MPHOSPH9: variants seen among roughly 807,000 people sequenced by gnomAD.
MPHOSPH9 encodes the protein M-phase phosphoprotein 9.
In MPHOSPH9, 88 loss-of-function variants were observed where a neutral mutation model predicts 145.5. That is an observed-to-expected ratio of 0.60 (90% CI 0.51 to 0.72). MPHOSPH9 has a LOEUF of 0.72. Ranked by LOEUF, MPHOSPH9 falls within the 30% of genes least tolerant of loss-of-function variation. MPHOSPH9 has a pLI of 0.00. For missense variants in MPHOSPH9, 1,238 were observed against 1,386.6 expected (o/e 0.89, Z 1.70); for synonymous variants, 435 against 486.2 (o/e 0.89, Z 1.39).
chr12:123,215,900 A>G (rs1449228385), intron 6 of MPHOSPH9, among the ~76,000 whole-genome samples: 1 of 152,178 alleles, frequency 6.6e-6, no homozygotes, highest in Non-Finnish European at 1.5e-5. Flanking sequence ...TTTCTTTCTC[A>G]TCAAGGAAGA....
chr12:123,234,179 C>A (rs773752364), upstream of MPHOSPH9, among the ~76,000 whole-genome samples: 7 of 152,160 alleles, frequency 4.6e-5, no homozygotes, highest in Admixed American at 2.0e-4. Context: ...AGGCCACATT[C>A]TTCAGCATAG....
At position 123,161,139 on chromosome 12, in the gene MPHOSPH9, G is replaced by C. The variant is rs746511469; in HGVS notation, c.3378C>G (p.Asp1126Glu). The C allele has an allele frequency of 6.2e-7, 1 of 1,613,598 alleles. No homozygotes were observed. The highest frequency in any genetic ancestry group is 8.5e-7 in the Non-Finnish European group (1 of 1,179,866). The change falls in exon 22 of 24, where the codon GAC becomes GAG. Residue 1126 changes from aspartate (D) to glutamate (E), a missense_variant. This residue lies in a region of MPHOSPH9 where 393 missense variants were observed against 462.5 expected (regional missense o/e 0.85). Coordinates refer to ENST00000606320, the MANE Select transcript of MPHOSPH9 (RefSeq NM_022782.4). ...AAAAATATTTGTTTGTTTTTACCTG[G>C]TCCTTTTCTTTTGTAAGTTCATCAA... Reference protein sequence around the residue: ...RFFDELTKEKDQIEAALSRMP... With the variant: ...RFFDELTKEKEQIEAALSRMP...
At chr12:123,222,944 G>A (rs12581076) in intron 4 of MPHOSPH9, 94 bp downstream of exon 4, 29 of 695,128 alleles carry the variant, frequency 4.2e-5, no homozygotes, top group Non-Finnish European at 5.5e-5. Context: ...TTCTATATAT[G>A]TGTGTGTGTA....
At chr12:123,195,430 CA>C (rs1285606569) in intron 12 of MPHOSPH9, among the ~76,000 whole-genome samples, 1 of 151,418 alleles carries the variant, frequency 6.6e-6, no homozygotes. Flanking sequence ...ACTAAAAATA[CA>C]AAAAATTAGC....
chr12:123,204,896 T>C (rs2046361948), intron 8 of MPHOSPH9, among the ~76,000 whole-genome samples: 1 of 152,070 alleles, frequency 6.6e-6, no homozygotes, highest in African/African-American at 2.4e-5. Context: ...AAACAGAAGA[T>C]AGGACCCTAA....
At position 123,221,426 on chromosome 12, in the gene MPHOSPH9, T is replaced by A. The variant is rs767805693; in HGVS notation, c.818A>T (p.His273Leu). The A allele has an allele frequency of 6.2e-6, 10 of 1,610,662 alleles. No homozygotes were observed. The Admixed American group carries it at 1.0e-4, about 16-fold the overall frequency. ...AACCTTATTTTCACCAAGAAAATTA[T>A]GTTCAAATTCACCAGGAGAAATGGA... ...DVSISPGEFE[H>L]NFLGENKVSE... Residue 273 changes from histidine to leucine, a missense_variant, in exon 5 of 24, where the codon CAT (histidine) becomes CTT (leucine). By Grantham distance (99) the His-to-Leu change is moderately conservative (BLOSUM62 -3). Transcript: ENST00000606320.
intron 13 of MPHOSPH9, among the ~76,000 whole-genome samples, chr12:123,182,262 T>TTTTTTTTTTTTTTTGTTC (rs1565918874): frequency 9.1e-6 from 1 of 110,366 alleles, no homozygotes; most frequent in Non-Finnish European, 1.8e-5. Flanking sequence ...TTTTTTTTTG[T>TTTTTTTTTTTTTTTGTTC]TTTTTTTTTT....
intron 13 of MPHOSPH9, among the ~76,000 whole-genome samples, chr12:123,186,653 G>T (rs1206304631): frequency 6.6e-6 from 1 of 152,132 alleles, no homozygotes; most frequent in Non-Finnish European, 1.5e-5. Flanking sequence ...TAGATAATAT[G>T]TAAAATTTAA....
At position 123,221,665 on chromosome 12, in the gene MPHOSPH9, G is replaced by A; in HGVS notation, c.579C>T (p.Cys193=). The A allele has an allele frequency of 6.2e-7, 1 of 1,614,084 alleles. No homozygotes were observed. The highest frequency in any genetic ancestry group is 8.5e-7 in the Non-Finnish European group (1 of 1,180,002). The change falls in exon 5 of 24, where the codon TGC becomes TGT. Residue 193 remains cysteine (C), a synonymous_variant. Transcript: ENST00000606320. ...AGGTGCCATATCCACTGCTTACTGA[G>A]CAACTATCCACATTGCAGTCTGGTT... is the stretch of plus-strand genomic sequence containing the variant. ...TSQPDCNVDS[C]SVSSGYGTFC...
Position 123,194,572 on chromosome 12 carries a change from G to T in MPHOSPH9, c.2055C>A (p.Ala685=), listed in dbSNP as rs1264680124. 6 of 1,609,188 alleles carry T rather than the reference G, an allele frequency of 3.7e-6. No homozygotes were observed. Among genetic ancestry groups the T allele is most frequent in the Admixed American group, 3.4e-5 (2 of 59,096 alleles). The change falls in exon 13 of 24, where the codon GCC becomes GCA. Residue 685 remains alanine, a synonymous_variant. Coordinates refer to ENST00000606320, the MANE Select transcript of MPHOSPH9 (RefSeq NM_022782.4). ...CCTGCAAAATTTTGGAAGCACTGCTGGCTGCACTGAAGCGTTCTCTCAAAT... is the reference window on the plus strand; with the variant it reads ...CCTGCAAAATTTTGGAAGCACTGCTTGCTGCACTGAAGCGTTCTCTCAAAT... ...VNDLRERFSA[A]SSASKILQER...
At chr12:123,214,942 G>A in intron 6 of MPHOSPH9, 108 bp from the exon 7 acceptor site, 1 of 905,722 alleles carries the variant, frequency 1.1e-6, no homozygotes, top group Non-Finnish European at 1.8e-6. Context: ...AACCTTCAGA[G>A]GGTTCAAAGA....
rs1442285122 is a variant in MPHOSPH9, at chr12:123,218,512, A to G, written c.873-13T>C. ...TGTTATAGCATTACTATTTAAGAAG[A>G]GAAAACCAAAATTACTTTTTTTTTT... is the stretch of plus-strand genomic sequence containing the variant. On this transcript the variant is annotated splice_polypyrimidine_tract_variant and intron_variant, in intron 5 of 23. Transcript: ENST00000606320. The G allele has an allele frequency of 3.1e-6, 5 of 1,606,340 alleles. No homozygotes were observed. The highest frequency in any genetic ancestry group is 4.2e-6 in the Non-Finnish European group (5 of 1,177,364).
At chr12:123,192,308 G>T (rs984065345) in intron 13 of MPHOSPH9, among the ~76,000 whole-genome samples, 4 of 151,760 alleles carry the variant, frequency 2.6e-5, no homozygotes, top group Admixed American at 2.6e-4. Flanking sequence ...ACAAAAATTA[G>T]CCAAGTGTGG....
chr12:123,238,966 G>T (rs1409993689), intron 1 of MPHOSPH9, among the ~76,000 whole-genome samples: 31 of 151,990 alleles, frequency 2.0e-4, no homozygotes, highest in Non-Finnish European at 4.4e-5. Flanking sequence ...GGGGAAAAAA[G>T]AATATCTCAA....
Position 123,163,111 on chromosome 12 carries a change from G to A in MPHOSPH9, c.2932C>T (p.Pro978Ser). The A allele has an allele frequency of 1.9e-6, 3 of 1,585,010 alleles. No individual in the cohort carries two copies. The highest frequency in any genetic ancestry group is 2.6e-6 in the Non-Finnish European group (3 of 1,171,348). ...TPTKREIMLT[P>S]VTVAYSPKRS... ...TTTGGACTATAAGCCACAGTCACTGGTGTTAGCATAATCTCTCTTTTTGCT... is the reference window on the plus strand; with the variant it reads ...TTTGGACTATAAGCCACAGTCACTGATGTTAGCATAATCTCTCTTTTTGCT... The change falls in exon 20 of 24, where the codon CCA becomes TCA. Residue 978 changes from proline to serine, a missense_variant. By Grantham distance (74) the Pro-to-Ser change is moderately conservative. Transcript: ENST00000606320.
intron 1 of MPHOSPH9, among the ~76,000 whole-genome samples, chr12:123,243,387 G>A (rs765069329): frequency 6.6e-5 from 10 of 152,240 alleles, no homozygotes; most frequent in African/African-American, 2.2e-4. Flanking sequence ...AAAATTAGCC[G>A]GACGTGGTGG....
intron 13 of MPHOSPH9, among the ~76,000 whole-genome samples, chr12:123,181,808 A>C (rs181297332): frequency 5.2e-4 from 79 of 152,174 alleles, no homozygotes; most frequent in African/African-American, 1.8e-3. Context: ...TTGAGACTGC[A>C]GTGAGCTTGT....
chr12:123,179,860 T>G (rs2045049650), intron 15 of MPHOSPH9, 66 bp downstream of exon 15: 1 of 831,862 alleles, frequency 1.2e-6, no homozygotes, highest in Non-Finnish European at 1.8e-6. Context: ...CTTCTCATCA[T>G]GTTCAATACA....
At chr12:123,190,303 C>A (rs1243963916) in intron 13 of MPHOSPH9, among the ~76,000 whole-genome samples, 1 of 152,022 alleles carries the variant, frequency 6.6e-6, no homozygotes, top group Non-Finnish European at 1.5e-5. Flanking sequence ...CAGGCGCCCA[C>A]CACCACGCCC....
Sources: gnomAD v4.1 joint callset for allele counts (sites outside exome capture counted in the v4.1 genomes callset) on GRCh38, gnomAD v4.1.1 for gene constraint, gnomAD v4.1.1 regional missense constraint, MANE v1.5 for transcripts, NCBI Gene and HGNC (gene_info 2026-07-23, HGNC 2026-07-21) for gene names.